DCUN1D1: variants seen among roughly 807,000 people sequenced by gnomAD.
DCUN1D1 encodes the protein DCN1-like protein 1.
A neutral mutation model predicts 39.0 loss-of-function variants in DCUN1D1; 3 were observed. That is an observed-to-expected ratio of 0.08 (90% CI 0.04 to 0.20). The LOEUF (loss-of-function observed/expected upper bound fraction) is 0.20. Ranked by LOEUF, DCUN1D1 falls within the 10% of genes least tolerant of loss-of-function variation. The pLI, the probability that DCUN1D1 is intolerant of heterozygous loss-of-function variation, is 1.00. For missense variants in DCUN1D1, 158 were observed against 302.4 expected, an observed-to-expected ratio of 0.52 and a Z score of 3.54; for synonymous variants, 82 against 96.3, an observed-to-expected ratio of 0.85 and a Z score of 0.87.
intron 1 of DCUN1D1, among the ~76,000 whole-genome samples, chr3:182,972,672 T>C (rs755917833): frequency 1.2e-4 from 18 of 151,732 alleles, no homozygotes; most frequent in Non-Finnish European, 2.4e-4. Flanking sequence ...GTCCAGAAAG[T>C]TGAGGCTGCA....
intron 1 of DCUN1D1, among the ~76,000 whole-genome samples, chr3:182,972,054 T>TG (rs1458757417): frequency 1.4e-5 from 2 of 144,678 alleles, no homozygotes; most frequent in African/African-American, 5.5e-5. Flanking sequence ...TTTAGGGTTT[T>TG]TTTTTTTTTT....
intron 1 of DCUN1D1, among the ~76,000 whole-genome samples, chr3:182,972,194 A>G (rs769103430): frequency 6.6e-6 from 1 of 151,844 alleles, no homozygotes; most frequent in Non-Finnish European, 1.5e-5. Context: ...GCTATAATCT[A>G]TAGTTTTAAA....
At chr3:182,975,875 A>C (rs941994329) in intron 1 of DCUN1D1, among the ~76,000 whole-genome samples, 1 of 149,416 alleles carries the variant, frequency 6.7e-6, no homozygotes, top group East Asian at 2.0e-4. Flanking sequence ...AAAAAAAAAA[A>C]GTAGTAATAA....
At chr3:182,979,307 G>A (rs1373027198) in intron 1 of DCUN1D1, among the ~76,000 whole-genome samples, 2 of 152,188 alleles carry the variant, frequency 1.3e-5, no homozygotes, top group African/African-American at 4.8e-5. Context: ...GGGACTAGAA[G>A]TGTCATTCAG....
At chr3:182,971,256 C>A (rs1255728918) in intron 1 of DCUN1D1, among the ~76,000 whole-genome samples, 1 of 152,148 alleles carries the variant, frequency 6.6e-6, no homozygotes, top group Non-Finnish European at 1.5e-5. Context: ...AAGGACTCCA[C>A]AGAAGTCCAC....
upstream of DCUN1D1, among the ~76,000 whole-genome samples, chr3:182,984,650 G>A (rs1577213741): frequency 2.0e-5 from 3 of 151,806 alleles, no homozygotes; most frequent in East Asian, 3.9e-4. Context: ...TACCTAAAAC[G>A]ATGAAAAAAT....
chr3:182,963,760 C>T, intron 3 of DCUN1D1, 121 bp downstream of exon 3: 2 of 838,758 alleles, frequency 2.4e-6, no homozygotes, highest in Non-Finnish European at 3.6e-6. Context: ...GCAAGTTAAC[C>T]CATTTCTATT....
rs57297234 is a variant in DCUN1D1 at position 182,943,114 on chromosome 3, GAAAAAAAAAAAAA to G, written c.*1967_*1979del. 1.8e-5 allele frequency: 1 copy of G among 54,408 alleles called. No individual in the cohort carries two copies. The highest frequency in any genetic ancestry group is 3.8e-5 in the Non-Finnish European group (1 of 26,002). 3.4% of individuals were successfully genotyped at this position (54,408 alleles called of 1,614,324 possible). A position where few individuals can be genotyped will look rare whatever the true frequency, so the allele number is the denominator to read the frequency against. ...ACTTTTAAAGAAAACACTTTATATT[GAAAAAAAAAAAAA>G]AAAAAAAAAGCTAATGGGATCTCAT... On this transcript the variant is annotated 3_prime_UTR_variant, in exon 7 of 7. Coordinates refer to ENST00000292782, the MANE Select transcript of DCUN1D1 (RefSeq NM_020640.4).
At chr3:182,951,863 A>AT (rs369955253) in intron 4 of DCUN1D1, among the ~76,000 whole-genome samples, 6 of 151,648 alleles carry the variant, frequency 4.0e-5, no homozygotes, top group Admixed American at 3.9e-4. Context: ...TGCCCAGCTA[A>AT]TTTTTTATTT....
At chr3:182,947,071 T>C (rs1350550302) in intron 6 of DCUN1D1, among the ~76,000 whole-genome samples, 167 bp downstream of exon 6, 1 of 152,058 alleles carries the variant, frequency 6.6e-6, no homozygotes. Flanking sequence ...CCAATGCACC[T>C]ACCCTGGGCA....
At chr3:182,964,167 A>G in intron 2 of DCUN1D1, 118 bp from the exon 3 acceptor site, 1 of 719,196 alleles carries the variant, frequency 1.4e-6, no homozygotes, top group South Asian at 2.0e-5. Flanking sequence ...GGAAGGCATG[A>G]AACGATATTA....
chr3:182,971,485 A>C (rs1727931192), intron 1 of DCUN1D1, among the ~76,000 whole-genome samples: 1 of 151,738 alleles, frequency 6.6e-6, no homozygotes, highest in African/African-American at 2.4e-5. Flanking sequence ...CGGTGGGAGG[A>C]TCACTTGAGC....
intron 1 of DCUN1D1, among the ~76,000 whole-genome samples, chr3:182,975,665 A>G (rs1470152867): frequency 2.7e-5 from 4 of 150,718 alleles, no homozygotes; most frequent in African/African-American, 7.4e-5. Context: ...TCTACACTGA[A>G]GGAGTGCTTG....
chr3:182,970,432 T>C lies in DCUN1D1; in HGVS notation c.4-4679A>G, dbSNP rs1053615095. ...CAACTAAGTCCTAACAATTGCAAAATAGAAGTAATTTTAATAAGTGATTTT... is the reference window on the plus strand; with the variant it reads ...CAACTAAGTCCTAACAATTGCAAAACAGAAGTAATTTTAATAAGTGATTTT... On this transcript the variant is annotated intron_variant, in intron 1 of 6. Coordinates refer to ENST00000292782, the MANE Select transcript of DCUN1D1 (RefSeq NM_020640.4). Among the ~76,000 whole-genome samples, 6 of 152,236 alleles carry C rather than the reference T, an allele frequency of 3.9e-5. No individual in the cohort carries two copies. In the South Asian group the frequency reaches 1.2e-3, roughly 32 times the overall value.
At chr3:182,949,808 T>C (rs1000868617) in intron 4 of DCUN1D1, among the ~76,000 whole-genome samples, 7 of 152,148 alleles carry the variant, frequency 4.6e-5, no homozygotes, top group African/African-American at 1.7e-4. Context: ...AGACTGACCC[T>C]TAACTTTCTT....
chr3:182,979,733 G>A (rs557755592), intron 1 of DCUN1D1, among the ~76,000 whole-genome samples: 1 of 152,044 alleles, frequency 6.6e-6, no homozygotes, highest in African/African-American at 2.4e-5. Flanking sequence ...TCGAAAGGGC[G>A]CTCGCTAGTC....
intron 4 of DCUN1D1, chr3:182,951,074 T>C (rs1486126940): frequency 6.6e-6 from 1 of 151,456 alleles, no homozygotes; most frequent in African/African-American, 2.4e-5. Context: ...CTTTTAATCT[T>C]TGCAATGTGT....
chr3:182,939,991 C>A lies in DCUN1D1; in HGVS notation c.*5103G>T, dbSNP rs1419994190. 1 of 152,138 alleles carries A rather than the reference C, an allele frequency of 6.6e-6. No homozygotes were observed. Among genetic ancestry groups the A allele is most frequent in the African/African-American group, 2.4e-5 (1 of 41,428 alleles). 9.4% of individuals were successfully genotyped at this position (152,138 alleles called of 1,614,324 possible). A position where few individuals can be genotyped will look rare whatever the true frequency, so the allele number is the denominator to read the frequency against. On this transcript the variant is annotated 3_prime_UTR_variant, in exon 7 of 7. Coordinates refer to ENST00000292782, the MANE Select transcript of DCUN1D1 (RefSeq NM_020640.4). Reference sequence around the variant, plus strand: ...CATTAGCATTTGCTTGAAAACTAAACACGCTGCTTTCAAAGGATTCCAAGT... The same window carrying A: ...CATTAGCATTTGCTTGAAAACTAAAAACGCTGCTTTCAAAGGATTCCAAGT...
chr3:182,982,161 C>T (rs1728576015), upstream of DCUN1D1, among the ~76,000 whole-genome samples: 1 of 152,218 alleles, frequency 6.6e-6, no homozygotes, highest in South Asian at 2.1e-4. Context: ...GACCTCTCGC[C>T]TGCGTTTGGA....
Sources: gnomAD v4.1 joint callset for allele counts (sites outside exome capture counted in the v4.1 genomes callset) on GRCh38, gnomAD v4.1.1 for gene constraint, MANE v1.5 for transcripts, NCBI Gene and HGNC (gene_info 2026-07-23, HGNC 2026-07-21) for gene names.